The following SDAD1 variants were observed in gnomAD, a reference collection of about 807,000 sequenced individuals.
SDAD1 encodes the protein SDA1 domain containing 1, also known as protein SDA1 homolog.
Under a neutral mutation model 100.3 loss-of-function variants are expected in SDAD1, and 79 were observed. That is an observed-to-expected ratio of 0.79 (90% CI 0.66 to 0.95). SDAD1 has a LOEUF of 0.95. Ranked by LOEUF, SDAD1 falls within the 40% of genes least tolerant of loss-of-function variation. SDAD1 has a pLI of 0.00. For synonymous variants in SDAD1, 267 were observed against 271.4 expected, an observed-to-expected ratio of 0.98 and a Z score of 0.16; for missense variants, 790 against 810.9, an observed-to-expected ratio of 0.97 and a Z score of 0.31.
At chr4:75,984,780 C>CAA (rs1344039277) in intron 1 of SDAD1, among the ~76,000 whole-genome samples, 9 of 119,798 alleles carry the variant, frequency 7.5e-5, no homozygotes, top group African/African-American at 3.2e-4. Context: ...CACACACAAA[C>CAA]ACACACACAC....
At chr4:75,983,095 C>A (rs1314061828) in intron 1 of SDAD1, among the ~76,000 whole-genome samples, 1 of 92,866 alleles carries the variant, frequency 1.1e-5, no homozygotes, top group East Asian at 7.3e-4. Context: ...TTTCCAGCTT[C>A]ATCCATGTCC....
In SDAD1 at chr4:75,960,165, C is replaced by CAGA. The variant is rs1307352760; in HGVS notation, c.1383_1384insTCT (p.Glu461_Ala462insSer). On this transcript the variant is annotated inframe_insertion, in exon 17 of 22. Coordinates refer to ENST00000356260, the MANE Select transcript of SDAD1 (RefSeq NM_018115.4). ...AATTCTCCATATTCTTGTACTCTTG[C>CAGA]TTCTATGGAGGCCTCTGTAGGCTTA... The CAGA allele has an allele frequency of 1.9e-6, 3 of 1,608,324 alleles. No homozygotes were observed. The South Asian group carries it at 3.3e-5, about 18-fold the overall frequency.
At chr4:75,968,854 A>C (rs1370880691) in intron 11 of SDAD1, among the ~76,000 whole-genome samples, 1 of 151,754 alleles carries the variant, frequency 6.6e-6, no homozygotes, top group African/African-American at 2.4e-5. Context: ...ATATGGTGAA[A>C]CCCCGTCTCT....
chr4:75,969,263 T>A (rs1325454013), intron 11 of SDAD1, 33 bp downstream of exon 11: 2 of 1,529,714 alleles, frequency 1.3e-6, no homozygotes, highest in African/African-American at 2.7e-5. Context: ...CTACTTCAAA[T>A]ATTCACCAAG....
chr4:75,975,924 T>C lies in SDAD1; in HGVS notation c.477A>G (p.Val159=), dbSNP rs764165703. The C allele has an allele frequency of 1.0e-5, 16 of 1,598,308 alleles. No homozygotes were observed. Among genetic ancestry groups the C allele is most frequent in the East Asian group, 2.2e-5 (1 of 44,782 alleles). ...NAKHKNNKVN[V]VLQNFMYTML... ...ACATGGAAGACAGAAGAGTACTTAC[T>C]ACATTCACTTTATTGTTCTTGTGTT... is the stretch of plus-strand genomic sequence containing the variant. The change falls in exon 5 of 22, where the codon GTA becomes GTG. Residue 159 remains valine (V), a splice_region_variant and synonymous_variant. Transcript: ENST00000356260.
At chr4:75,965,844 A>G (rs766800982) in intron 12 of SDAD1, 22 bp from the exon 13 acceptor site, 130 of 1,609,224 alleles carry the variant, frequency 8.1e-5, no homozygotes, top group Non-Finnish European at 1.1e-4. Context: ...AGAGAACAGA[A>G]AGGTCATGGT....
At chr4:75,987,197 A>G (rs1009794080) in intron 1 of SDAD1, among the ~76,000 whole-genome samples, 4 of 152,156 alleles carry the variant, frequency 2.6e-5, no homozygotes. Flanking sequence ...AAAGTATACA[A>G]TTCGGTTCTT....
chr4:75,980,269 C>T (rs957436032), intron 3 of SDAD1, among the ~76,000 whole-genome samples: 6 of 152,096 alleles, frequency 3.9e-5, no homozygotes, highest in African/African-American at 7.2e-5. Flanking sequence ...GAAACCTTGG[C>T]TTGTCTGAGA....
Position 75,957,835 on chromosome 4 carries a change from T to C in SDAD1, c.1578+12A>G, listed in dbSNP as rs1578115252. On this transcript the variant is annotated intron_variant, in intron 18 of 21. Coordinates refer to ENST00000356260, the MANE Select transcript of SDAD1 (RefSeq NM_018115.4). ...TAAACACCAGGTTATAAGATGAAATTTTCAGACTTACGATTTCTTGCTGTT... is the reference window on the plus strand; with the variant it reads ...TAAACACCAGGTTATAAGATGAAATCTTCAGACTTACGATTTCTTGCTGTT... 6.2e-7 allele frequency: 1 copy of C among 1,613,868 alleles called. No individual in the cohort carries two copies. The highest frequency in any genetic ancestry group is 8.5e-7 in the Non-Finnish European group (1 of 1,179,878).
At position 75,960,905 on chromosome 4, in the gene SDAD1, G is replaced by A. The variant is rs1382515548; in HGVS notation, c.1356+123C>T. The A allele has an allele frequency of 1.2e-4, 94 of 783,830 alleles. No homozygotes were observed. The South Asian group carries it at 1.3e-3, about 11-fold the overall frequency. The allele number at this position is 783,830 out of a possible 1,614,324, so 48.6% of individuals were successfully genotyped here. The stretch of plus-strand genomic sequence containing the variant: ...GATTCCAAGCTTAAAGAATACAACC[G>A]TGTGCATCATAACCATGTAATCATA... On this transcript the variant is annotated intron_variant, in intron 16 of 21. Transcript: ENST00000356260.
In SDAD1 at chr4:75,961,201, T is replaced by G; in HGVS notation, c.1279+10A>C. ...ACTCTTTGGTGTGTAGAGAGTAACATGCAGCTTACTCTTATCCTTGTGTGT... is the reference window on the plus strand; with the variant it reads ...ACTCTTTGGTGTGTAGAGAGTAACAGGCAGCTTACTCTTATCCTTGTGTGT... On this transcript the variant is annotated intron_variant, in intron 15 of 21. Coordinates refer to ENST00000356260, the MANE Select transcript of SDAD1 (RefSeq NM_018115.4). 6.2e-7 allele frequency: 1 copy of G among 1,612,988 alleles called. No homozygotes were observed. Among genetic ancestry groups the G allele is most frequent in the African/African-American group, 1.3e-5 (1 of 75,020 alleles).
rs372806553 is a variant in SDAD1, at chr4:75,976,005, A to G, written c.406-10T>C. 6.4e-7 allele frequency: 1 copy of G among 1,552,840 alleles called. No individual in the cohort carries two copies. The highest frequency in any genetic ancestry group is 1.4e-5 in the African/African-American group (1 of 73,604). On this transcript the variant is annotated splice_polypyrimidine_tract_variant and intron_variant, in intron 4 of 21. Coordinates refer to ENST00000356260, the MANE Select transcript of SDAD1 (RefSeq NM_018115.4). ...TATGTGTGTATAAAGTCTGAGGAAA[A>G]GAAACAAAAATATATACATTAAACC... is the stretch of plus-strand genomic sequence containing the variant.
chr4:75,984,219 T>C (rs1734956282), intron 1 of SDAD1, among the ~76,000 whole-genome samples: 1 of 150,808 alleles, frequency 6.6e-6, no homozygotes, highest in African/African-American at 2.4e-5. Context: ...TGGACTGCAG[T>C]GGCACAATCA....
At chr4:75,959,763 C>T (rs772233659) in intron 17 of SDAD1, among the ~76,000 whole-genome samples, 1 of 152,142 alleles carries the variant, frequency 6.6e-6, no homozygotes, top group South Asian at 2.1e-4. Flanking sequence ...GGGCTAACCC[C>T]CGTAATTTTT....
Position 75,961,413 on chromosome 4 carries a change from G to C in SDAD1, c.1182-105C>G. On this transcript the variant is annotated intron_variant, in intron 14 of 21. Coordinates refer to ENST00000356260, the MANE Select transcript of SDAD1 (RefSeq NM_018115.4). ...GATTAACTCAAAAGGAAAACACGTTGAGTTTTATATAGCTTAGGTCTCCAA... is the reference window on the plus strand; with the variant it reads ...GATTAACTCAAAAGGAAAACACGTTCAGTTTTATATAGCTTAGGTCTCCAA... 4 of 816,076 alleles carry C rather than the reference G, an allele frequency of 4.9e-6. No individual in the cohort carries two copies. In the South Asian group the frequency reaches 6.6e-5, roughly 13 times the overall value. The allele number at this position is 816,076 out of a possible 1,614,324, so 50.6% of individuals were successfully genotyped here.
chr4:75,950,863 A>G (rs1432483585), intron 21 of SDAD1, 66 bp from the exon 22 acceptor site: 3 of 1,093,116 alleles, frequency 2.7e-6, no homozygotes, highest in Non-Finnish European at 4.0e-6. Context: ...ATTTGGTTAC[A>G]TGAAAGTTTA....
chr4:75,973,417 G>C (rs745413013), intron 7 of SDAD1, 26 bp from the exon 8 acceptor site: 1 of 1,528,932 alleles, frequency 6.5e-7, no homozygotes, highest in Admixed American at 1.7e-5. Flanking sequence ...AAAAAAGTCA[G>C]CTACTTGATT....
At chr4:75,969,427 A>G in intron 10 of SDAD1, 28 bp from the exon 11 acceptor site, 3 of 1,469,090 alleles carry the variant, frequency 2.0e-6, no homozygotes, top group Non-Finnish European at 2.9e-6. Flanking sequence ...AAAGAAGTAC[A>G]TTGTGAGTCT....
intron 17 of SDAD1, among the ~76,000 whole-genome samples, chr4:75,959,081 C>T (rs1729070386): frequency 1.1e-5 from 1 of 94,164 alleles, no homozygotes; most frequent in East Asian, 3.5e-4. Context: ...CTGGGCGACA[C>T]AGCAAGACTC....
Sources: allele counts gnomAD v4.1 joint callset (sites outside exome capture counted in the v4.1 genomes callset), GRCh38; gene constraint gnomAD v4.1.1; transcripts MANE v1.5; gene names NCBI Gene and HGNC (gene_info 2026-07-23, HGNC 2026-07-21).